Variants in NLGN1 observed in about 807,000 individuals in gnomAD.
NLGN1 encodes neuroligin-1.
NLGN1 carries 12 observed loss-of-function variants against 65.5 expected under a neutral mutation model. The observed-to-expected ratio is 0.18, with a 90% confidence interval of 0.12 to 0.30. NLGN1 has a LOEUF of 0.30. NLGN1 is among the 10% of genes least tolerant of loss of function. The pLI is 1.00. For missense variants in NLGN1, 750 were observed against 1,007.1 expected (o/e 0.74, Z 3.46); for synonymous variants, 350 against 359.5 (o/e 0.97, Z 0.30).
intron 4 of NLGN1, among the ~76,000 whole-genome samples, chr3:174,109,380 T>C (rs1350341481): frequency 1.3e-5 from 2 of 152,046 alleles, no homozygotes; most frequent in African/African-American, 4.8e-5. Flanking sequence ...GCACGTAAAG[T>C]CACTGTTATA....
intron 2 of NLGN1, among the ~76,000 whole-genome samples, chr3:173,489,249 A>G (rs1005187254): frequency 6.7e-6 from 1 of 149,756 alleles, no homozygotes; most frequent in African/African-American, 2.5e-5. Flanking sequence ...CCCACCCCAC[A>G]ACAGGCCCCA....
At chr3:173,440,465 C>A (rs374279481) in intron 2 of NLGN1, among the ~76,000 whole-genome samples, 11 of 152,198 alleles carry the variant, frequency 7.2e-5, no homozygotes, top group Admixed American at 2.6e-4. Context: ...CAGTGGTAGC[C>A]TTACAGTGTA....
chr3:173,671,422 C>G (rs1013550366), intron 3 of NLGN1, among the ~76,000 whole-genome samples: 7 of 151,880 alleles, frequency 4.6e-5, no homozygotes, highest in Admixed American at 2.6e-4. Flanking sequence ...GTTGAGGCAA[C>G]AGTGAACTGT....
At chr3:173,989,366 T>C (rs1720611882) in intron 4 of NLGN1, among the ~76,000 whole-genome samples, 1 of 152,182 alleles carries the variant, frequency 6.6e-6, no homozygotes, top group South Asian at 2.1e-4. Context: ...AGAATAATAA[T>C]ACTCCAAATC....
Position 173,918,694 on chromosome 3 carries a change from GTGTGTGTGTA to G in NLGN1, c.646+110864_646+110873del, listed in dbSNP as rs1186761062. On this transcript the variant is annotated intron_variant, in intron 4 of 6. Transcript: ENST00000457714. ...TGTGTGTGTGTGTGTGTGTGTGTGTGTGTGTGTGTATATATATATATTGCATAGAATGGTA... is the reference window on the plus strand; with the variant it reads ...TGTGTGTGTGTGTGTGTGTGTGTGTGTATATATATATTGCATAGAATGGTA... Among the ~76,000 whole-genome samples the G allele has an allele frequency of 5.6e-3, 768 of 137,556 alleles. 1 individual carries two copies. Among genetic ancestry groups the G allele is most frequent in the Non-Finnish European group, 7.6e-3 (486 of 64,348 alleles). The allele number at this position is 137,556 out of a possible 152,430, so 90.2% of individuals were successfully genotyped here.
intron 3 of NLGN1, among the ~76,000 whole-genome samples, chr3:173,651,627 A>G (rs966076738): frequency 6.6e-6 from 1 of 151,978 alleles, no homozygotes; most frequent in Non-Finnish European, 1.5e-5. Flanking sequence ...AACATTTGTT[A>G]TTTTTTGACT....
chr3:173,486,790 T>C (rs1728241296), intron 2 of NLGN1, among the ~76,000 whole-genome samples: 1 of 152,226 alleles, frequency 6.6e-6, no homozygotes, highest in African/African-American at 2.4e-5. Context: ...ATCATCTTTA[T>C]TGTAACTAAT....
chr3:173,429,676 A>G (rs1296087341), intron 1 of NLGN1, among the ~76,000 whole-genome samples: 1 of 152,080 alleles, frequency 6.6e-6, no homozygotes, highest in East Asian at 1.9e-4. Flanking sequence ...ATTTTTGAGT[A>G]CCCTCAGCCC....
intron 4 of NLGN1, among the ~76,000 whole-genome samples, chr3:174,239,460 A>AGAAG (rs1030817687): frequency 6.4e-4 from 98 of 152,292 alleles, no homozygotes; most frequent in African/African-American, 2.3e-3. Flanking sequence ...TTTATGCAAG[A>AGAAG]GAAGGTCCTG....
chr3:173,741,125 G>C (rs1244752505), intron 3 of NLGN1, among the ~76,000 whole-genome samples: 1 of 152,074 alleles, frequency 6.6e-6, no homozygotes, highest in Non-Finnish European at 1.5e-5. Flanking sequence ...AAAGAAGATA[G>C]TTACCAGTAC....
rs992673957 is a variant in NLGN1, at chr3:174,275,371, A to T, written c.703A>T (p.Ile235Leu). Reference sequence around the variant, plus strand: ...GGGGAACTATGGACTCCTTGATCTCATACAAGCTTTAAGATGGACTAGTGA... The same window carrying T: ...GGGGAACTATGGACTCCTTGATCTCTTACAAGCTTTAAGATGGACTAGTGA... Residue 235 changes from isoleucine to leucine, a missense_variant, in exon 5 of 7, where the codon ATA becomes TTA. Coordinates refer to ENST00000457714, the Ensembl canonical transcript of NLGN1. 4 of 1,610,900 alleles carry T rather than the reference A, an allele frequency of 2.5e-6. No homozygotes were observed. In the African/African-American group the frequency reaches 5.3e-5, roughly 22 times the overall value.
At chr3:173,862,652 A>G (rs745415417) in intron 4 of NLGN1, among the ~76,000 whole-genome samples, 1 of 152,096 alleles carries the variant, frequency 6.6e-6, no homozygotes, top group Middle Eastern at 3.2e-3. Flanking sequence ...GGGAAACACC[A>G]AGCGAATAAC....
intron 4 of NLGN1, among the ~76,000 whole-genome samples, chr3:173,878,893 A>G (rs1040834990): frequency 2.6e-5 from 4 of 152,092 alleles, no homozygotes; most frequent in African/African-American, 9.7e-5. Context: ...CTCACTCAGC[A>G]TATTGTTGCC....
chr3:173,775,873 T>A (rs996958330), intron 3 of NLGN1, among the ~76,000 whole-genome samples: 4 of 152,110 alleles, frequency 2.6e-5, no homozygotes, highest in African/African-American at 7.2e-5. Flanking sequence ...AAGAGAACAA[T>A]TGTGTGATAC....
intron 2 of NLGN1, among the ~76,000 whole-genome samples, chr3:173,603,830 A>G (rs531692570): frequency 7.9e-5 from 12 of 152,056 alleles, no homozygotes; most frequent in Non-Finnish European, 1.6e-4. Flanking sequence ...TTGTTTTCCA[A>G]TGCATACAAT....
chr3:174,270,166 A>T lies in NLGN1; in HGVS notation c.647-5149A>T, dbSNP rs1577717262. 1.8e-4 allele frequency among the ~76,000 whole-genome samples: 17 copies of T among 96,554 alleles called. No individual in the cohort carries two copies. The South Asian group carries it at 2.4e-3, about 13-fold the overall frequency. The allele number at this position is 96,554 out of a possible 152,430, so 63.3% of individuals were successfully genotyped here. A position where few individuals can be genotyped will look rare whatever the true frequency, so the allele number is the denominator to read the frequency against. On this transcript the variant is annotated intron_variant, in intron 4 of 6. Transcript: ENST00000457714. Reference sequence around the variant, plus strand: ...TGATGTGCAGATGTTTTGAAGTTTGATGTAGTCTTATTTGTTTATTTTTTT... The same window carrying T: ...TGATGTGCAGATGTTTTGAAGTTTGTTGTAGTCTTATTTGTTTATTTTTTT...
chr3:173,474,096 T>C (rs1247806200), intron 2 of NLGN1, among the ~76,000 whole-genome samples: 3 of 152,132 alleles, frequency 2.0e-5, no homozygotes, highest in Admixed American at 2.0e-4. Context: ...TTCTTCCTCC[T>C]GCTCCTCCTC....
At chr3:174,248,346 C>T (rs1204946930) in intron 4 of NLGN1, among the ~76,000 whole-genome samples, 1 of 151,254 alleles carries the variant, frequency 6.6e-6, no homozygotes, top group African/African-American at 2.5e-5. Context: ...GGCAAATAGA[C>T]AGTTGTTTAT....
At chr3:173,488,349 A>T (rs9853797) in intron 2 of NLGN1, among the ~76,000 whole-genome samples, 1,777 of 151,776 alleles carry the variant, frequency 0.012, 37 homozygotes, top group African/African-American at 0.041. Context: ...TTTTTTCTCT[A>T]TGTGGACATA....
Sources: gnomAD v4.1 joint callset for allele counts (sites outside exome capture counted in the v4.1 genomes callset) on GRCh38, gnomAD v4.1.1 for gene constraint, MANE v1.5 for transcripts, NCBI Gene and HGNC (gene_info 2026-07-23, HGNC 2026-07-21) for gene names.